Variants in NEK7 observed in about 807,000 individuals in gnomAD.
NEK7 encodes serine/threonine-protein kinase Nek7.
Under a neutral mutation model 44.6 loss-of-function variants are expected in NEK7, and 18 were observed. That is an observed-to-expected ratio of 0.40 (90% CI 0.28 to 0.60). The LOEUF is 0.60. Ranked by LOEUF, NEK7 falls within the 20% of genes least tolerant of loss-of-function variation. The pLI, the probability that NEK7 is intolerant of heterozygous loss-of-function variation, is 0.38. For missense variants in NEK7, 256 were observed against 366.5 expected, an observed-to-expected ratio of 0.70 and a Z score of 2.46; for synonymous variants, 130 against 121.1, an observed-to-expected ratio of 1.07 and a Z score of -0.48.
chr1:198,262,986 G>A (rs1653528428), intron 4 of NEK7, among the ~76,000 whole-genome samples: 1 of 151,710 alleles, frequency 6.6e-6, no homozygotes. Flanking sequence ...ATCTCAACAT[G>A]TATTATATTG....
intron 1 of NEK7, among the ~76,000 whole-genome samples, chr1:198,197,017 C>T (rs939496197): frequency 1.3e-5 from 2 of 152,154 alleles, no homozygotes; most frequent in Admixed American, 1.3e-4. Flanking sequence ...TAGCATCTAA[C>T]ACAAGGCCTG....
intron 5 of NEK7, among the ~76,000 whole-genome samples, chr1:198,271,179 C>A (rs1156625691): frequency 6.6e-6 from 1 of 151,992 alleles, no homozygotes; most frequent in Non-Finnish European, 1.5e-5. Context: ...CATGACTACC[C>A]ATGCTAATGT....
chr1:198,162,301 A>G (rs1206053266), intron 1 of NEK7, among the ~76,000 whole-genome samples: 6 of 152,146 alleles, frequency 3.9e-5, no homozygotes, highest in Admixed American at 3.3e-4. Flanking sequence ...ACCTGGGACA[A>G]TCAGAATTCC....
At chr1:198,255,116 A>C (rs1364043639) in intron 3 of NEK7, among the ~76,000 whole-genome samples, 2 of 152,138 alleles carry the variant, frequency 1.3e-5, no homozygotes, top group Non-Finnish European at 2.9e-5. Context: ...AGCTGTTGGA[A>C]TTGGTGGAAT....
At chr1:198,199,236 C>A (rs1362783977) in intron 1 of NEK7, among the ~76,000 whole-genome samples, 1 of 152,244 alleles carries the variant, frequency 6.6e-6, no homozygotes, top group South Asian at 2.1e-4. Context: ...AGGTTGCAGC[C>A]AGTCCCCTGG....
rs750443015 is a variant in NEK7, at chr1:198,196,683, G to A, written c.-28-35870G>A. ...TTAGCTTGAGGCGTCATATCCACAT[G>A]GTGGGCTGGGAGAAAGGAGGGAAGG... On this transcript the variant is annotated intron_variant, in intron 1 of 9. Coordinates refer to ENST00000367385, the MANE Select transcript of NEK7 (RefSeq NM_133494.3). 3.1e-4 allele frequency among the ~76,000 whole-genome samples: 47 copies of A among 152,312 alleles called. 1 individual carries two copies. Among genetic ancestry groups the A allele is most frequent in the Middle Eastern group, 6.8e-3 (2 of 294 alleles).
At chr1:198,159,798 C>T (rs572832452) in intron 1 of NEK7, among the ~76,000 whole-genome samples, 7 of 152,106 alleles carry the variant, frequency 4.6e-5, no homozygotes, top group East Asian at 3.9e-4. Flanking sequence ...TGGCAGTGTA[C>T]TAGTAGAGGA....
intron 6 of NEK7, among the ~76,000 whole-genome samples, chr1:198,278,367 T>A (rs1654086712): frequency 6.6e-6 from 1 of 151,596 alleles, no homozygotes; most frequent in South Asian, 2.1e-4. Flanking sequence ...ATAAACAATG[T>A]ATATCATAAC....
intron 9 of NEK7, among the ~76,000 whole-genome samples, chr1:198,312,316 G>GATTCTTCTCTCTTTTTTTCTTT (rs1191132179): frequency 1.3e-5 from 2 of 150,508 alleles, no homozygotes; most frequent in African/African-American, 4.9e-5. Flanking sequence ...GCATCTATTT[G>GATTCTTCTCTCTTTTTTTCTTT]ATTCTTCTCT....
intron 7 of NEK7, among the ~76,000 whole-genome samples, chr1:198,292,173 C>A (rs1488475562): frequency 2.6e-5 from 4 of 151,924 alleles, no homozygotes; most frequent in Non-Finnish European, 4.4e-5. Context: ...TATTTTTACA[C>A]TTCAAAGTGT....
intron 1 of NEK7, among the ~76,000 whole-genome samples, chr1:198,199,168 G>A (rs1665339896): frequency 6.6e-6 from 1 of 152,238 alleles, no homozygotes; most frequent in Non-Finnish European, 1.5e-5. Context: ...TTTGGGAAGA[G>A]CACCATGAAG....
chr1:198,183,392 A>G (rs1664822883), intron 1 of NEK7, among the ~76,000 whole-genome samples: 1 of 152,142 alleles, frequency 6.6e-6, no homozygotes, highest in African/African-American at 2.4e-5. Flanking sequence ...CAGGCTAAGG[A>G]ATTTATTGTA....
intron 8 of NEK7, among the ~76,000 whole-genome samples, chr1:198,294,957 T>A (rs1654667315): frequency 6.6e-6 from 1 of 152,170 alleles, no homozygotes. Flanking sequence ...TTTTAAAAAT[T>A]GGTCATAACA....
At chr1:198,178,824 G>A (rs1276025279) in intron 1 of NEK7, among the ~76,000 whole-genome samples, 1 of 151,788 alleles carries the variant, frequency 6.6e-6, no homozygotes, top group Non-Finnish European at 1.5e-5. Flanking sequence ...AAAACTAATG[G>A]TACAGTTAAA....
intron 1 of NEK7, chr1:198,207,196 A>G (rs1290910412): frequency 6.6e-6 from 1 of 152,160 alleles, no homozygotes; most frequent in Non-Finnish European, 1.5e-5. Flanking sequence ...ATAATGAGTG[A>G]CAGGAACATC....
chr1:198,320,458 G>A lies in NEK7; in HGVS notation c.*936G>A, dbSNP rs947802171. The stretch of plus-strand genomic sequence containing the variant: ...CATAAGTTTTATTGAAGTTCTGATC[G>A]GTCCCCTTCAGAAATTTTTTTATAT... On this transcript the variant is annotated 3_prime_UTR_variant, in exon 10 of 10. Coordinates refer to ENST00000367385, the MANE Select transcript of NEK7 (RefSeq NM_133494.3). The A allele has an allele frequency of 5.3e-5, 8 of 151,644 alleles. No homozygotes were observed. Among genetic ancestry groups the A allele is most frequent in the Non-Finnish European group, 1.2e-4 (8 of 67,920 alleles). The allele number at this position is 151,644 out of a possible 1,614,324, so 9.4% of individuals were successfully genotyped here. A position where few individuals can be genotyped will look rare whatever the true frequency, so the allele number is the denominator to read the frequency against.
At chr1:198,271,924 TACAC>T (rs59463396) in intron 5 of NEK7, among the ~76,000 whole-genome samples, 31 of 134,512 alleles carry the variant, frequency 2.3e-4, no homozygotes, top group South Asian at 1.9e-3. Flanking sequence ...TATATATATA[TACAC>T]ACACACACAC....
At chr1:198,317,884 T>TTTG (rs1339224620) in intron 9 of NEK7, among the ~76,000 whole-genome samples, 41 of 143,302 alleles carry the variant, frequency 2.9e-4, no homozygotes, top group African/African-American at 1.0e-3. Context: ...TTTATTTTTT[T>TTTG]TTTTTTTTTT....
chr1:198,213,139 G>A (rs558915648), intron 1 of NEK7, among the ~76,000 whole-genome samples: 96 of 152,332 alleles, frequency 6.3e-4, no homozygotes, highest in Non-Finnish European at 1.1e-3. Flanking sequence ...CCAATCTGGA[G>A]TGGGACAGCA....
Sources: allele counts gnomAD v4.1 joint callset (sites outside exome capture counted in the v4.1 genomes callset), GRCh38; gene constraint gnomAD v4.1.1; transcripts MANE v1.5; gene names NCBI Gene and HGNC (gene_info 2026-07-23, HGNC 2026-07-21).